The following SLC25A24 variants were observed in gnomAD, a reference collection of about 807,000 sequenced individuals.
The protein encoded by SLC25A24 is mitochondrial adenyl nucleotide antiporter SLC25A24.
SLC25A24 carries 49 observed loss-of-function variants against 60.7 expected under a neutral mutation model. The observed-to-expected ratio is 0.81, with a 90% CI of 0.64 to 1.02. The LOEUF (loss-of-function observed/expected upper bound fraction) is 1.02. Among genes scored for constraint, SLC25A24 ranks in the 50% least tolerant of loss-of-function variants. SLC25A24 has a pLI of 0.00. For synonymous variants in SLC25A24, 202 were observed against 200.6 expected, an observed-to-expected ratio of 1.01 and a Z score of -0.06; for missense variants, 564 against 586.3, an observed-to-expected ratio of 0.96 and a Z score of 0.39.
In SLC25A24 at chr1:108,185,803, T is replaced by C. The variant is rs755297109; in HGVS notation, c.310+25A>G. ...ATGATAAATGCTTCTTCATAGCTGG[T>C]GATAAATACAAAAGAAAGACACACC... On this transcript the variant is annotated intron_variant, in intron 2 of 9. Coordinates refer to ENST00000565488, the MANE Select transcript of SLC25A24 (RefSeq NM_013386.5). 9.6e-6 allele frequency: 15 copies of C among 1,556,582 alleles called. No individual in the cohort carries two copies. In the South Asian group the frequency reaches 1.5e-4, roughly 16 times the overall value.
Position 108,182,008 on chromosome 1 carries a change from T to A in SLC25A24, c.331A>T (p.Ile111Phe). Residue 111 changes from isoleucine to phenylalanine, a missense_variant, in exon 3 of 10, where the codon ATT becomes TTT. Physicochemically the swap from Ile to Phe is conservative, Grantham distance 21. Transcript: ENST00000565488. Reference protein sequence around the residue: ...NNDGKIEASEIVQSLQTLGLT... With the variant: ...NNDGKIEASEFVQSLQTLGLT... ...CCCAGTGTCTGGAGAGACTGGACAATTTCTGAAGCCTCAATTTTTCCTTTA... is the reference window on the plus strand; with the variant it reads ...CCCAGTGTCTGGAGAGACTGGACAAATTCTGAAGCCTCAATTTTTCCTTTA... 6.2e-7 allele frequency: 1 copy of A among 1,610,980 alleles called. No homozygotes were observed.
chr1:108,167,043 A>C (rs10127755), intron 3 of SLC25A24, among the ~76,000 whole-genome samples: 75,986 of 150,692 alleles, frequency 0.5, 19,734 homozygotes, highest in African/African-American at 0.62. Context: ...TGTTGGAGTA[A>C]CCGGCTGTGT....
intron 3 of SLC25A24, among the ~76,000 whole-genome samples, chr1:108,167,145 C>T (rs1207743821): frequency 4.0e-5 from 6 of 151,592 alleles, no homozygotes; most frequent in East Asian, 2.0e-4. Flanking sequence ...GCAGTCTGCC[C>T]GTTCTCAGAT....
At chr1:108,144,821 A>G (rs1256108199) in intron 7 of SLC25A24, among the ~76,000 whole-genome samples, 1 of 152,162 alleles carries the variant, frequency 6.6e-6, no homozygotes, top group East Asian at 1.9e-4. Flanking sequence ...TTGTTTATCT[A>G]GTCTATCACT....
intron 4 of SLC25A24, among the ~76,000 whole-genome samples, chr1:108,160,083 C>T (rs1286413404): frequency 1.3e-5 from 2 of 150,718 alleles, no homozygotes; most frequent in African/African-American, 4.9e-5. Context: ...GGGTGGCTGG[C>T]CGGGCGGGGG....
At chr1:108,166,741 G>T (rs1400020655) in intron 3 of SLC25A24, among the ~76,000 whole-genome samples, 1 of 152,110 alleles carries the variant, frequency 6.6e-6, no homozygotes. Context: ...TGGTTTGAAT[G>T]TCCTCCCATA....
At position 108,136,787 on chromosome 1, in the gene SLC25A24, T is replaced by A. The variant is rs760344943; in HGVS notation, c.1300A>T (p.Ile434Phe). 8 of 1,614,014 alleles carry A rather than the reference T, an allele frequency of 5.0e-6. No individual in the cohort carries two copies. Among genetic ancestry groups the A allele is most frequent in the Non-Finnish European group, 5.9e-6 (7 of 1,180,008 alleles). Reference protein sequence around the residue: ...QLNMVGLFRRIISKEGIPGLY... With the variant: ...QLNMVGLFRRFISKEGIPGLY... ...CCTGGTATTCCTTCTTTGGAAATAA[T>A]TCGTCGAAAGAGGCCAACCATATTC... Residue 434 changes from isoleucine (I) to phenylalanine (F), a missense_variant, in exon 10 of 10, where the codon ATT (isoleucine) becomes TTT (phenylalanine). Transcript: ENST00000565488.
chr1:108,151,529 A>T (rs928014178), intron 6 of SLC25A24, among the ~76,000 whole-genome samples: 5 of 151,668 alleles, frequency 3.3e-5, no homozygotes, highest in African/African-American at 7.3e-5. Flanking sequence ...CCTTCCACTG[A>T]CTCCTATGCC....
At chr1:108,147,894 A>ACC (rs1679649764) in intron 7 of SLC25A24, among the ~76,000 whole-genome samples, 2 of 149,470 alleles carry the variant, frequency 1.3e-5, no homozygotes, top group Admixed American at 1.3e-4. Context: ...CATCTTAGGC[A>ACC]CTCTCTCTCT....
chr1:108,176,119 T>C (rs983458991), intron 3 of SLC25A24, among the ~76,000 whole-genome samples: 4 of 150,912 alleles, frequency 2.7e-5, no homozygotes, highest in African/African-American at 9.7e-5. Context: ...AAAGAAACAA[T>C]TCAATGAAAT....
At chr1:108,190,806 G>C (rs1571310977) in intron 1 of SLC25A24, among the ~76,000 whole-genome samples, 2 of 110,602 alleles carry the variant, frequency 1.8e-5, no homozygotes, top group Non-Finnish European at 4.1e-5. Flanking sequence ...CGATGTGACT[G>C]CCACTTGAGG....
chr1:108,190,714 T>C (rs1648319149), intron 1 of SLC25A24, among the ~76,000 whole-genome samples: 1 of 108,012 alleles, frequency 9.3e-6, no homozygotes, highest in Admixed American at 1.3e-4. Flanking sequence ...TTTTAATCAG[T>C]TGAGTTTTGT....
intron 3 of SLC25A24, among the ~76,000 whole-genome samples, chr1:108,174,862 G>A (rs539518520): frequency 1.1e-4 from 17 of 152,288 alleles, no homozygotes; most frequent in Admixed American, 8.5e-4. Context: ...GGGGCCTGTA[G>A]CCCCTTCATT....
rs1679278578 is a variant in SLC25A24 at position 108,136,230 on chromosome 1, T to C, written c.*423A>G. The C allele has an allele frequency of 6.5e-6, 1 of 153,128 alleles. No homozygotes were observed. The highest frequency in any genetic ancestry group is 2.4e-5 in the African/African-American group (1 of 41,466). The allele number at this position is 153,128 out of a possible 1,614,324, so 9.5% of individuals were successfully genotyped here. A position where few individuals can be genotyped will look rare whatever the true frequency, so the allele number is the denominator to read the frequency against. ...CTATTAATGGTTCTATAAGGAAATTTAAAGAAATCTATAAAGACATTCAAA... is the reference window on the plus strand; with the variant it reads ...CTATTAATGGTTCTATAAGGAAATTCAAAGAAATCTATAAAGACATTCAAA... On this transcript the variant is annotated 3_prime_UTR_variant, in exon 10 of 10. Transcript: ENST00000565488.
chr1:108,143,722 A>G lies in SLC25A24; in HGVS notation c.931-12T>C, dbSNP rs755913021. On this transcript the variant is annotated splice_polypyrimidine_tract_variant and intron_variant, in intron 7 of 9. Coordinates refer to ENST00000565488, the MANE Select transcript of SLC25A24 (RefSeq NM_013386.5). ...CTGGTTTTCATAACCTGGATATAAAAAAAAACAAAATATGATTGTTCATAT... is the reference window on the plus strand; with the variant it reads ...CTGGTTTTCATAACCTGGATATAAAGAAAAACAAAATATGATTGTTCATAT... The G allele has an allele frequency of 2.5e-6, 4 of 1,595,164 alleles. No individual in the cohort carries two copies. The highest frequency in any genetic ancestry group is 3.4e-6 in the Non-Finnish European group (4 of 1,172,678).
In SLC25A24 at chr1:108,135,150, C is replaced by A. The variant is rs1052280011; in HGVS notation, c.*1503G>T. On this transcript the variant is annotated 3_prime_UTR_variant, in exon 10 of 10. Coordinates refer to ENST00000565488, the MANE Select transcript of SLC25A24 (RefSeq NM_013386.5). Reference sequence around the variant, plus strand: ...ATATATTACTCAAAAGTACAAATAACCCTAAAAGTAGAATCCCAGGCTTAT... The same window carrying A: ...ATATATTACTCAAAAGTACAAATAAACCTAAAAGTAGAATCCCAGGCTTAT... 2.0e-5 allele frequency: 3 copies of A among 152,402 alleles called. No individual in the cohort carries two copies. Among genetic ancestry groups the A allele is most frequent in the African/African-American group, 7.2e-5 (3 of 41,404 alleles). 9.4% of individuals were successfully genotyped at this position (152,402 alleles called of 1,614,324 possible).
intron 1 of SLC25A24, among the ~76,000 whole-genome samples, chr1:108,192,202 G>A (rs950269042): frequency 7.2e-6 from 1 of 138,966 alleles, no homozygotes; most frequent in Non-Finnish European, 1.6e-5. Context: ...CTAATGACAG[G>A]TGAGCACATT....
rs758395912 is a variant in SLC25A24, at chr1:108,181,957, C to T, written c.382G>A (p.Glu128Lys). 1.2e-6 allele frequency: 2 copies of T among 1,610,982 alleles called. No homozygotes were observed. The highest frequency in any genetic ancestry group is 8.5e-7 in the Non-Finnish European group (1 of 1,177,706). Reference protein sequence around the residue: ...LGLTISEQQAELILQSIDVDG... With the variant: ...LGLTISEQQAKLILQSIDVDG... ...AGAGCTTACCTTTGAAGAATCAACT[C>T]TGCTTGTTGTTCAGAAATAGTCAGA... Residue 128 changes from glutamate to lysine, a missense_variant, in exon 3 of 10, where the codon GAG (glutamate) becomes AAG (lysine). Coordinates refer to ENST00000565488, the MANE Select transcript of SLC25A24 (RefSeq NM_013386.5).
At chr1:108,152,448 C>T (rs892846038) in intron 6 of SLC25A24, among the ~76,000 whole-genome samples, 1 of 152,142 alleles carries the variant, frequency 6.6e-6, no homozygotes, top group Non-Finnish European at 1.5e-5. Flanking sequence ...CTCACTGCAA[C>T]CTCTGCCTCT....
Sources: allele counts gnomAD v4.1 joint callset (sites outside exome capture counted in the v4.1 genomes callset), GRCh38; gene constraint gnomAD v4.1.1; transcripts MANE v1.5; gene names NCBI Gene and HGNC (gene_info 2026-07-23, HGNC 2026-07-21).